Variants in PDE4B observed in about 807,000 individuals in gnomAD.
PDE4B encodes the protein phosphodiesterase 4B, also known as 3',5'-cyclic-AMP phosphodiesterase 4B.
In PDE4B, 20 loss-of-function variants were observed where a neutral mutation model predicts 82.2. The ratio of observed to expected loss-of-function variants is 0.24; its 90% CI spans 0.17 to 0.35. The LOEUF (loss-of-function observed/expected upper bound fraction) is 0.35, where lower values mean the gene tolerates loss of function less well. Ranked by LOEUF, PDE4B falls within the 10% of genes least tolerant of loss-of-function variation. PDE4B has a pLI of 1.00. For synonymous variants in PDE4B, 320 were observed against 318.9 expected (o/e 1.00, Z -0.04); for missense variants, 655 against 907.2 (o/e 0.72, Z 3.57).
At chr1:65,813,893 C>CAAAAA (rs5774766) in intron 1 of PDE4B, among the ~76,000 whole-genome samples, 83 of 103,366 alleles carry the variant, frequency 8.0e-4, no homozygotes, top group Non-Finnish European at 1.2e-3. Context: ...GGCACTGCGG[C>CAAAAA]AAAAAAAAAA....
chr1:66,276,255 G>C (rs1028826997), intron 7 of PDE4B, among the ~76,000 whole-genome samples: 1 of 152,166 alleles, frequency 6.6e-6, no homozygotes, highest in Non-Finnish European at 1.5e-5. Context: ...ACTTCTTTGC[G>C]TATATTATTG....
At chr1:65,828,272 G>A (rs1646041841) in intron 1 of PDE4B, among the ~76,000 whole-genome samples, 1 of 152,190 alleles carries the variant, frequency 6.6e-6, no homozygotes, top group South Asian at 2.1e-4. Flanking sequence ...CTGAAACAGA[G>A]TCTTACTCTG....
At chr1:66,063,569 A>T (rs1249148893) in intron 3 of PDE4B, among the ~76,000 whole-genome samples, 1 of 152,066 alleles carries the variant, frequency 6.6e-6, no homozygotes, top group Non-Finnish European at 1.5e-5. Flanking sequence ...ATACATAAAG[A>T]TCAGATTGGT....
intron 3 of PDE4B, among the ~76,000 whole-genome samples, chr1:65,927,526 T>C (rs1294601002): frequency 6.8e-6 from 1 of 147,688 alleles, no homozygotes; most frequent in Non-Finnish European, 1.5e-5. Flanking sequence ...ATATATATAA[T>C]ATATATTATC....
chr1:66,361,837 C>A, intron 10 of PDE4B, 44 bp downstream of exon 10: 3 of 1,475,310 alleles, frequency 2.0e-6, no homozygotes, highest in Non-Finnish European at 2.8e-6. Flanking sequence ...CTCTGCTTTA[C>A]AGCAGACGGA....
At chr1:66,111,150 A>G (rs1014311207) in intron 3 of PDE4B, among the ~76,000 whole-genome samples, 6 of 152,114 alleles carry the variant, frequency 3.9e-5, no homozygotes, top group Non-Finnish European at 8.8e-5. Context: ...CTTACCCCAC[A>G]TGAAAAGACC....
intron 3 of PDE4B, among the ~76,000 whole-genome samples, chr1:65,967,893 T>A (rs931570914): frequency 6.6e-6 from 1 of 152,064 alleles, no homozygotes; most frequent in Non-Finnish European, 1.5e-5. Flanking sequence ...GGGGGAGAGA[T>A]AACATTAGGA....
intron 7 of PDE4B, among the ~76,000 whole-genome samples, chr1:66,297,938 G>C (rs1054421852): frequency 1.3e-5 from 2 of 152,198 alleles, no homozygotes; most frequent in South Asian, 4.2e-4. Flanking sequence ...TGACTAGGTT[G>C]GTGAACAAGG....
chr1:66,338,793 C>T (rs956439269), intron 8 of PDE4B, among the ~76,000 whole-genome samples: 6 of 151,924 alleles, frequency 3.9e-5, no homozygotes, highest in Non-Finnish European at 8.8e-5. Flanking sequence ...CCGAGGCGGG[C>T]GGATCACAAG....
At chr1:66,027,212 A>C (rs1056825247) in intron 3 of PDE4B, among the ~76,000 whole-genome samples, 7 of 152,216 alleles carry the variant, frequency 4.6e-5, no homozygotes, top group African/African-American at 1.7e-4. Flanking sequence ...CCTCAGAATC[A>C]TGGCTGGAGG....
At chr1:66,116,587 A>G (rs1489171045) in intron 3 of PDE4B, among the ~76,000 whole-genome samples, 1 of 152,126 alleles carries the variant, frequency 6.6e-6, no homozygotes, top group African/African-American at 2.4e-5. Context: ...ACCCCATGCA[A>G]GATCTTGCTC....
At position 66,161,883 on chromosome 1, in the gene PDE4B, C is replaced by T. The variant is rs139108856; in HGVS notation, c.282-85577C>T. Among the ~76,000 whole-genome samples, 12 of 152,292 alleles carry T rather than the reference C, an allele frequency of 7.9e-5. No individual in the cohort carries two copies. In the East Asian group the frequency reaches 2.3e-3, roughly 29 times the overall value. ...TGTCTGGGTTGAAATCTCAAATTCACCTACCAGCTTTGTGACTTTAAGCAG... is the reference window on the plus strand; with the variant it reads ...TGTCTGGGTTGAAATCTCAAATTCATCTACCAGCTTTGTGACTTTAAGCAG... On this transcript the variant is annotated intron_variant, in intron 3 of 16. Coordinates refer to ENST00000341517, the MANE Select transcript of PDE4B (RefSeq NM_002600.4).
At chr1:65,919,204 G>A (rs1365692130) in intron 3 of PDE4B, among the ~76,000 whole-genome samples, 1 of 152,152 alleles carries the variant, frequency 6.6e-6, no homozygotes, top group African/African-American at 2.4e-5. Flanking sequence ...TGTATATGAT[G>A]TTCTTATTGC....
rs143819640 is a variant in PDE4B at position 66,186,213 on chromosome 1, C to T, written c.282-61247C>T. On this transcript the variant is annotated intron_variant, in intron 3 of 16. Coordinates refer to ENST00000341517, the MANE Select transcript of PDE4B (RefSeq NM_002600.4). ...GTCTATATCTCTGTTTTGGTACCAGCACCATGCTGTTTTGGTTACTGTAGC... is the reference window on the plus strand; with the variant it reads ...GTCTATATCTCTGTTTTGGTACCAGTACCATGCTGTTTTGGTTACTGTAGC... 5.1e-3 allele frequency among the ~76,000 whole-genome samples: 781 copies of T among 152,238 alleles called. 2 individuals are homozygous for T. Among genetic ancestry groups the T allele is most frequent in the Non-Finnish European group, 9.5e-3 (644 of 67,996 alleles).
chr1:66,175,464 C>T (rs1449108297), intron 3 of PDE4B, among the ~76,000 whole-genome samples: 3 of 152,124 alleles, frequency 2.0e-5, no homozygotes, highest in Admixed American at 1.3e-4. Context: ...AAAATAAAAC[C>T]GGTAAAATAG....
chr1:66,189,523 T>A lies in PDE4B; in HGVS notation c.282-57937T>A, dbSNP rs547148894. The stretch of plus-strand genomic sequence containing the variant: ...ATAGTCCCATATTTCTTGGAGGCTT[T>A]GTTTGTTTCTTTTTATTCTTTTTTC... On this transcript the variant is annotated intron_variant, in intron 3 of 16. Transcript: ENST00000341517. 1.0e-3 allele frequency among the ~76,000 whole-genome samples: 152 copies of A among 152,260 alleles called. 2 individuals carry two copies. The highest frequency in any genetic ancestry group is 3.5e-3 in the African/African-American group (145 of 41,564).
At chr1:66,227,688 C>T (rs1651563179) in intron 3 of PDE4B, among the ~76,000 whole-genome samples, 1 of 152,180 alleles carries the variant, frequency 6.6e-6, no homozygotes, top group Non-Finnish European at 1.5e-5. Context: ...AATGTACATA[C>T]CTGCATGGAC....
chr1:65,953,459 C>A (rs2997088), intron 3 of PDE4B, among the ~76,000 whole-genome samples: 102,456 of 151,844 alleles, frequency 0.67, 35,013 homozygotes, highest in African/African-American at 0.79. Flanking sequence ...AAGAAGGAGG[C>A]AGGAGAGTCA....
intron 3 of PDE4B, among the ~76,000 whole-genome samples, chr1:65,923,677 C>T (rs548576982): frequency 6.6e-6 from 1 of 152,056 alleles, no homozygotes; most frequent in South Asian, 2.1e-4. Flanking sequence ...ACTATTTTTC[C>T]CTGCTTTTTG....
Sources: gnomAD v4.1 joint callset for allele counts (sites outside exome capture counted in the v4.1 genomes callset) on GRCh38, gnomAD v4.1.1 for gene constraint, MANE v1.5 for transcripts, NCBI Gene and HGNC (gene_info 2026-07-23, HGNC 2026-07-21) for gene names.